The following WARS2 variants were observed in gnomAD, a reference collection of about 807,000 sequenced individuals.
WARS2 encodes tryptophan--tRNA ligase, mitochondrial.
In WARS2, 28 loss-of-function variants were observed where a neutral mutation model predicts 36.5. The observed-to-expected ratio is 0.77, with a 90% confidence interval of 0.57 to 1.05. The LOEUF is 1.05. Among genes scored for constraint, WARS2 ranks in the 50% least tolerant of loss-of-function variants. WARS2 has a pLI of 0.00. For missense variants in WARS2, 435 were observed against 456.8 expected (o/e 0.95, Z 0.44); for synonymous variants, 174 against 178.4 (o/e 0.98, Z 0.20).
At chr1:119,123,176 T>G (rs1026221375) in intron 1 of WARS2, among the ~76,000 whole-genome samples, 12 of 152,190 alleles carry the variant, frequency 7.9e-5, no homozygotes, top group South Asian at 2.1e-4. Context: ...TTAACATATC[T>G]AAAGAAAGAA....
At chr1:119,118,007 G>C (rs1655086396) in intron 1 of WARS2, among the ~76,000 whole-genome samples, 1 of 152,108 alleles carries the variant, frequency 6.6e-6, no homozygotes, top group African/African-American at 2.4e-5. Context: ...TTCTAGTAAT[G>C]TGACAAAACA....
intron 1 of WARS2, among the ~76,000 whole-genome samples, chr1:119,106,102 G>A (rs1654219696): frequency 6.6e-6 from 1 of 152,154 alleles, no homozygotes; most frequent in South Asian, 2.1e-4. Context: ...CTTGGAATAG[G>A]CTGTTTTAGA....
intron 1 of WARS2, among the ~76,000 whole-genome samples, chr1:119,101,419 C>G (rs1031669744): frequency 6.6e-6 from 1 of 152,156 alleles, no homozygotes; most frequent in African/African-American, 2.4e-5. Context: ...TAACATTTTT[C>G]TCTGCATAAT....
intron 2 of WARS2, among the ~76,000 whole-genome samples, chr1:119,053,967 GGATGGCTTGAGCCC>G (rs1177437111): frequency 6.6e-6 from 1 of 152,038 alleles, no homozygotes; most frequent in African/African-American, 2.4e-5. Flanking sequence ...TGAGGCAGAA[GGATGGCTTGAGCCC>G]AGGTGGTCAA....
chr1:119,139,926 TACG>T (rs1185975086), intron 1 of WARS2: 13 of 152,272 alleles, frequency 8.5e-5, no homozygotes, highest in African/African-American at 3.1e-4. Context: ...ATGGTCTCCG[TACG>T]ACGAGATTAA....
At chr1:119,041,304 T>C (rs991970334) in intron 4 of WARS2, among the ~76,000 whole-genome samples, 2 of 152,128 alleles carry the variant, frequency 1.3e-5, no homozygotes, top group African/African-American at 4.8e-5. Flanking sequence ...GCTTTATCTC[T>C]AGAAGGCCAA....
chr1:119,071,829 T>C (rs1651339027), intron 2 of WARS2, among the ~76,000 whole-genome samples: 1 of 152,198 alleles, frequency 6.6e-6, no homozygotes, highest in Non-Finnish European at 1.5e-5. Context: ...AGGTAATATA[T>C]ATGTTATATA....
intron 4 of WARS2, among the ~76,000 whole-genome samples, chr1:119,034,584 T>C (rs1647713310): frequency 6.6e-6 from 1 of 152,194 alleles, no homozygotes; most frequent in East Asian, 1.9e-4. Flanking sequence ...CCTGACCAGA[T>C]GCTCTTTACC....
intron 2 of WARS2, among the ~76,000 whole-genome samples, chr1:119,073,580 C>A (rs1651494203): frequency 6.6e-6 from 1 of 152,204 alleles, no homozygotes; most frequent in Non-Finnish European, 1.5e-5. Flanking sequence ...AGCTTTACAA[C>A]TGCATTAAGG....
intron 1 of WARS2, chr1:119,085,905 T>C: frequency 6.2e-7 from 1 of 1,610,548 alleles, no homozygotes; most frequent in Non-Finnish European, 8.5e-7. Flanking sequence ...AAGCTGGACC[T>C]CTCGCTCATT....
intron 2 of WARS2, among the ~76,000 whole-genome samples, chr1:119,076,064 A>G (rs1163757013): frequency 1.3e-5 from 2 of 152,214 alleles, no homozygotes; most frequent in Non-Finnish European, 2.9e-5. Flanking sequence ...GCATAGCAAA[A>G]CAATTCCAGG....
In WARS2 at chr1:119,033,093, G is replaced by A; in HGVS notation, c.901C>T (p.Arg301Cys). The A allele has an allele frequency of 2.5e-6, 4 of 1,614,192 alleles. No individual in the cohort carries two copies. The highest frequency in any genetic ancestry group is 3.4e-6 in the Non-Finnish European group (4 of 1,180,046). The change falls in exon 6 of 6, where the codon CGC becomes TGC. Residue 301 changes from arginine to cysteine, a missense_variant. By Grantham distance (180) the Arg-to-Cys change is radical. Coordinates refer to ENST00000235521, the MANE Select transcript of WARS2 (RefSeq NM_015836.4). ...VRRSAGMNTARYKLAVADAVI... is the reference protein window; with the variant it reads ...VRRSAGMNTACYKLAVADAVI... ...GCATCTGCCACGGCCAGCTTGTAGCGAGCAGTGTTCATGCCCGCGCTGCGG... is the reference window on the plus strand; with the variant it reads ...GCATCTGCCACGGCCAGCTTGTAGCAAGCAGTGTTCATGCCCGCGCTGCGG...
chr1:119,132,601 T>C (rs1177454871), intron 1 of WARS2, among the ~76,000 whole-genome samples: 4 of 152,320 alleles, frequency 2.6e-5, no homozygotes, highest in East Asian at 1.9e-4. Context: ...TTCACTATTA[T>C]ATTCTCCTGC....
chr1:119,101,432 A>C (rs1301853799), intron 1 of WARS2, among the ~76,000 whole-genome samples: 1 of 152,216 alleles, frequency 6.6e-6, no homozygotes, highest in Non-Finnish European at 1.5e-5. Flanking sequence ...TGCATAATAC[A>C]GGTGCTTAAT....
chr1:119,140,353 C>CT (rs1656865522), intron 1 of WARS2: 1 of 422,366 alleles, frequency 2.4e-6, no homozygotes, highest in Non-Finnish European at 4.1e-6. Flanking sequence ...CTTTTTCCAC[C>CT]AAGAAACCTT....
At chr1:119,082,196 G>T in intron 1 of WARS2, 2 of 901,502 alleles carry the variant, frequency 2.2e-6, no homozygotes, top group Non-Finnish European at 2.7e-6. Context: ...TAAATGATAA[G>T]CACTTAATAT....
intron 1 of WARS2, among the ~76,000 whole-genome samples, chr1:119,091,998 A>T (rs1017448291): frequency 6.6e-6 from 1 of 152,372 alleles, no homozygotes; most frequent in African/African-American, 2.4e-5. Context: ...TTTCAACAAA[A>T]GCAGTTCCCA....
At chr1:119,140,666 T>A (rs775078734), upstream of WARS2, 5 of 1,605,260 alleles carry the variant, frequency 3.1e-6, no homozygotes, top group East Asian at 1.1e-4. Context: ...CGGAGCCGTC[T>A]TGTTTGGAAT....
chr1:119,129,092 T>C (rs1655902743), intron 1 of WARS2, among the ~76,000 whole-genome samples: 1 of 152,228 alleles, frequency 6.6e-6, no homozygotes, highest in East Asian at 1.9e-4. Context: ...ACAAGATGTC[T>C]GGCCACTGTA....
Sources: allele counts gnomAD v4.1 joint callset (sites outside exome capture counted in the v4.1 genomes callset), GRCh38; gene constraint gnomAD v4.1.1; transcripts MANE v1.5; gene names NCBI Gene and HGNC (gene_info 2026-07-23, HGNC 2026-07-21).